The following TRAPPC2 variants were observed in gnomAD, a reference collection of about 807,000 sequenced individuals.
TRAPPC2 encodes the protein sedlin.
A neutral mutation model predicts 10.0 loss-of-function variants in TRAPPC2; 4 were observed. The observed-to-expected ratio is 0.40, with a 90% CI of 0.20 to 0.92. The LOEUF (loss-of-function observed/expected upper bound fraction) is 0.92. TRAPPC2 is among the 40% of genes least tolerant of loss of function. TRAPPC2 has a pLI of 0.35. For missense variants in TRAPPC2, 52 were observed against 108.7 expected, an observed-to-expected ratio of 0.48 and a Z score of 2.32; for synonymous variants, 36 against 37.3, an observed-to-expected ratio of 0.97 and a Z score of 0.12.
intron 2 of TRAPPC2, among the ~76,000 whole-genome samples, chrX:13,724,273 G>A (rs1475148256): frequency 9.1e-6 from 1 of 109,807 alleles, no homozygotes; most frequent in African/African-American, 3.3e-5. Flanking sequence ...AATTTAAAGA[G>A]GCCACATGGA....
intron 3 of TRAPPC2, among the ~76,000 whole-genome samples, chrX:13,719,253 A>G (rs1382055733): frequency 9.0e-6 from 1 of 110,545 alleles, no homozygotes; most frequent in Non-Finnish European, 1.9e-5. Flanking sequence ...TGTCTCAAAA[A>G]AAAAAAATAC....
At chrX:13,722,859 C>T (rs954114637) in intron 2 of TRAPPC2, among the ~76,000 whole-genome samples, 6 of 111,026 alleles carry the variant, frequency 5.4e-5, no homozygotes, top group Non-Finnish European at 9.5e-5. Context: ...GTCAGGAGAT[C>T]GAGACCATCC....
At chrX:13,730,445 A>G (rs2046650137) in intron 2 of TRAPPC2, among the ~76,000 whole-genome samples, 1 of 112,178 alleles carries the variant, frequency 8.9e-6, no homozygotes, top group Non-Finnish European at 1.9e-5. Flanking sequence ...GTGGAGAAAT[A>G]GGAACACTTT....
intron 2 of TRAPPC2, among the ~76,000 whole-genome samples, chrX:13,730,463 T>C (rs1317233921): frequency 8.9e-6 from 1 of 111,815 alleles, no homozygotes; most frequent in Non-Finnish European, 1.9e-5. Flanking sequence ...TTTTACACTG[T>C]TGGTGGGAGT....
chrX:13,720,106 G>T, intron 2 of TRAPPC2, 124 bp from the exon 3 acceptor site: 1 of 462,877 alleles, frequency 2.2e-6, no homozygotes, highest in Non-Finnish European at 3.3e-6. Flanking sequence ...ATGCTACTAA[G>T]CTTGGCAGTT....
Position 13,713,449 on chromosome X carries a change from T to TCAAAAAA in TRAPPC2, c.*951_*957dup, listed in dbSNP as rs1555896686. 3 of 22,513 alleles carry TCAAAAAA rather than the reference T, an allele frequency of 1.3e-4. No homozygotes were observed. The highest frequency in any genetic ancestry group is 2.3e-4 in the Non-Finnish European group (3 of 13,205). 1.9% of individuals were successfully genotyped at this position (22,513 alleles called of 1,213,427 possible). ...TGCACAACAGGAGCAAGACTCCATCTCAAAAAAACAAAAAACAAAAAACAA... is the reference window on the plus strand; with the variant it reads ...TGCACAACAGGAGCAAGACTCCATCTCAAAAAACAAAAAAACAAAAAACAAAAAACAA... On this transcript the variant is annotated 3_prime_UTR_variant, in exon 6 of 6. Coordinates refer to ENST00000380579, the MANE Select transcript of TRAPPC2 (RefSeq NM_001011658.4).
rs1448434195 is a variant in TRAPPC2, at chrX:13,713,834, A to T, written c.*573T>A. The T allele has an allele frequency of 9.1e-6, 1 of 109,315 alleles. No homozygotes were observed. The highest frequency in any genetic ancestry group is 2.8e-4 in the East Asian group (1 of 3,542). 9.0% of individuals were successfully genotyped at this position (109,315 alleles called of 1,213,427 possible). On this transcript the variant is annotated 3_prime_UTR_variant, in exon 6 of 6. Transcript: ENST00000380579. ...TCTCAAAAAAAAAAAAAGCGAGCTTATTCCCAATTTTTAAGTAAAAATATT... is the reference window on the plus strand; with the variant it reads ...TCTCAAAAAAAAAAAAAGCGAGCTTTTTCCCAATTTTTAAGTAAAAATATT...
rs878936844 is a variant in TRAPPC2 at position 13,712,351 on chromosome X, A to G, written c.*2056T>C. 1 of 112,494 alleles carries G rather than the reference A, an allele frequency of 8.9e-6. No individual in the cohort carries two copies. Among genetic ancestry groups the G allele is most frequent in the Admixed American group, 9.5e-5 (1 of 10,582 alleles). 9.3% of individuals were successfully genotyped at this position (112,494 alleles called of 1,213,427 possible). ...ATTACTTGCTCAAAAGTTACTCAGA[A>G]TGGAACAAAATTGTTCAAGTGCTCC... On this transcript the variant is annotated 3_prime_UTR_variant, in exon 6 of 6. Transcript: ENST00000380579.
intron 2 of TRAPPC2, among the ~76,000 whole-genome samples, chrX:13,724,400 T>TAAA (rs772302164): frequency 2.4e-5 from 2 of 82,309 alleles, no homozygotes; most frequent in Non-Finnish European, 2.4e-5. Context: ...AATATATATT[T>TAAA]AAAAAAAAAA....
intron 2 of TRAPPC2, among the ~76,000 whole-genome samples, chrX:13,730,318 A>AATGCTCATCAC (rs962943815): frequency 8.9e-6 from 1 of 112,297 alleles, no homozygotes; most frequent in African/African-American, 3.2e-5. Flanking sequence ...ACATGAAAAA[A>AATGCTCATCAC]ATGCTCATCA....
chrX:13,719,775 T>C (rs2046369006), intron 3 of TRAPPC2, 96 bp downstream of exon 3: 3 of 658,815 alleles, frequency 4.6e-6, no homozygotes, highest in South Asian at 6.8e-5. Context: ...CCTCATTTAA[T>C]TGTGGTGGAT....
intron 2 of TRAPPC2, among the ~76,000 whole-genome samples, chrX:13,733,028 A>G (rs942626770): frequency 2.7e-5 from 3 of 111,999 alleles, no homozygotes; most frequent in African/African-American, 6.5e-5. Flanking sequence ...ATTATAAGCA[A>G]TTCTCCCTCC....
Position 13,713,717 on chromosome X carries a change from AAGG to A in TRAPPC2, c.*687_*689del, listed in dbSNP as rs1200963633. 1 of 105,189 alleles carries A rather than the reference AAGG, an allele frequency of 9.5e-6. No homozygotes were observed. Among genetic ancestry groups the A allele is most frequent in the Non-Finnish European group, 2.0e-5 (1 of 51,074 alleles). The allele number at this position is 105,189 out of a possible 1,213,427, so 8.7% of individuals were successfully genotyped here. A position where few individuals can be genotyped will look rare whatever the true frequency, so the allele number is the denominator to read the frequency against. ...ATCTCAGCTACTCGGGAGGCTGAAG[AAGG>A]AGAATTGCTTGAACCCGGGAGGTGG... On this transcript the variant is annotated 3_prime_UTR_variant, in exon 6 of 6. Transcript: ENST00000380579.
chrX:13,716,476 C>T, intron 4 of TRAPPC2, 58 bp downstream of exon 4: 1 of 1,179,576 alleles, frequency 8.5e-7, no homozygotes, highest in Non-Finnish European at 1.2e-6. Context: ...GTTCCATGTT[C>T]TTCTGGTTTG....
intron 2 of TRAPPC2, chrX:13,721,868 A>G (rs752373507): frequency 3.6e-5 from 4 of 110,876 alleles, no homozygotes; most frequent in Middle Eastern, 4.7e-3. Flanking sequence ...TCACGCTTCA[A>G]TGGCAGAGTT....
chrX:13,733,748 CT>C (rs1311957675), intron 2 of TRAPPC2, among the ~76,000 whole-genome samples: 2 of 106,657 alleles, frequency 1.9e-5, no homozygotes, highest in African/African-American at 3.4e-5. Context: ...AAGGTCGTGG[CT>C]TTTTTTTTTC....
At chrX:13,721,016 G>C (rs1385352088) in intron 2 of TRAPPC2, 1 of 73,832 alleles carries the variant, frequency 1.4e-5, no homozygotes, top group East Asian at 4.2e-4. Flanking sequence ...GACAAAATGA[G>C]ACCCTGTCTC....
rs1175025577 is a variant in TRAPPC2, at chrX:13,717,034, T to TAAA, written c.94-359_94-357dup. On this transcript the variant is annotated intron_variant, in intron 3 of 5. Coordinates refer to ENST00000380579, the MANE Select transcript of TRAPPC2 (RefSeq NM_001011658.4). ...AACATGTAAAAAAAGGATACTATGTTAAAAAAAAAAAAAAAAAAAAAAAAA... is the reference window on the plus strand; with the variant it reads ...AACATGTAAAAAAAGGATACTATGTTAAAAAAAAAAAAAAAAAAAAAAAAAAAA... Among the ~76,000 whole-genome samples, 33 of 37,938 alleles carry TAAA rather than the reference T, an allele frequency of 8.7e-4. 2 individuals carry two copies. The highest frequency in any genetic ancestry group is 1.3e-3 in the Non-Finnish European group (31 of 23,181). 32.9% of individuals were successfully genotyped at this position (37,938 alleles called of 115,157 possible).
In TRAPPC2 at chrX:13,727,844, G is replaced by C. The variant is rs191034686; in HGVS notation, c.-20+6200C>G. Among the ~76,000 whole-genome samples, 84 of 111,728 alleles carry C rather than the reference G, an allele frequency of 7.5e-4. No homozygotes were observed. In the East Asian group the frequency reaches 0.016, roughly 21 times the overall value. ...TTTCAAAAGATCAACAAAATTGATA[G>C]ACCACTAGCAAGACTAATAAAGAAG... On this transcript the variant is annotated intron_variant, in intron 2 of 5. Coordinates refer to ENST00000380579, the MANE Select transcript of TRAPPC2 (RefSeq NM_001011658.4).
Sources: gnomAD v4.1 joint callset for allele counts (sites outside exome capture counted in the v4.1 genomes callset) on GRCh38, gnomAD v4.1.1 for gene constraint, MANE v1.5 for transcripts, NCBI Gene and HGNC (gene_info 2026-07-23, HGNC 2026-07-21) for gene names.